SYTL1: variants seen among roughly 807,000 people sequenced by gnomAD.
SYTL1 encodes synaptotagmin-like protein 1.
SYTL1 carries 53 observed loss-of-function variants against 74.6 expected under a neutral mutation model. The observed-to-expected ratio is 0.71, with a 90% CI of 0.57 to 0.89. The LOEUF is 0.89. SYTL1 is among the 40% of genes least tolerant of loss of function. The probability of loss-of-function intolerance (pLI) is 0.00; values close to 1 mark genes in which losing one functional copy is unlikely to be tolerated. For missense variants in SYTL1, 728 were observed against 768.7 expected (o/e 0.95, Z 0.63); for synonymous variants, 329 against 324.9 (o/e 1.01, Z -0.14).
chr1:27,351,040 C>A lies in SYTL1; in HGVS notation c.1164+88C>A. 1 of 1,491,080 alleles carries A rather than the reference C, an allele frequency of 6.7e-7. No homozygotes were observed. Among genetic ancestry groups the A allele is most frequent in the East Asian group, 2.4e-5 (1 of 42,094 alleles). The allele number at this position is 1,491,080 out of a possible 1,614,324, so 92.4% of individuals were successfully genotyped here. A position where few individuals can be genotyped will look rare whatever the true frequency, so the allele number is the denominator to read the frequency against. Reference sequence around the variant, plus strand: ...GCTCTCCCGCAGCCCCCTCACACCCCGCCTTCGACAGAACCTCCCCTCAAC... The same window carrying A: ...GCTCTCCCGCAGCCCCCTCACACCCAGCCTTCGACAGAACCTCCCCTCAAC... On this transcript the variant is annotated intron_variant, in intron 11 of 14. Transcript: ENST00000616558. This position sits in a 1 kb window ranked among gnomAD's most constrained non-coding sequence, Gnocchi z 5.0.
At chr1:27,353,687 C>G in intron 14 of SYTL1, 26 bp from the exon 15 acceptor site, 1 of 1,605,412 alleles carries the variant, frequency 6.2e-7, no homozygotes, top group Non-Finnish European at 8.5e-7. Context: ...TGATCATGCC[C>G]TCAACCCCTG....
At position 27,345,435 on chromosome 1, in the gene SYTL1, T is replaced by C; in HGVS notation, c.101T>C (p.Leu34Pro). The C allele has an allele frequency of 6.4e-7, 1 of 1,562,942 alleles. No individual in the cohort carries two copies. Among genetic ancestry groups the C allele is most frequent in the Non-Finnish European group, 8.7e-7 (1 of 1,152,666 alleles). The part of the protein sequence containing the change: ...PKPETEGLLD[L>P]SFLTEEEQEA... ...CCTGAGACTGAAGGACTGTTGGACC[T>C]CAGCTTCCTGACAGAGGAGGAGCAG... Residue 34 changes from leucine to proline, a missense_variant, in exon 2 of 15, where the codon CTC becomes CCC. Coordinates refer to ENST00000616558, the MANE Select transcript of SYTL1 (RefSeq NM_001193308.2). The surrounding 1 kb of genome is among the most constrained non-coding windows in gnomAD (Gnocchi z 6.0).
intron 2 of SYTL1, among the ~76,000 whole-genome samples, chr1:27,346,926 T>C (rs953732233): frequency 6.6e-6 from 1 of 151,882 alleles, no homozygotes; most frequent in African/African-American, 2.4e-5. Flanking sequence ...GAGACCAGCC[T>C]GGGCAACATG....
chr1:27,349,648 G>T lies in SYTL1; in HGVS notation c.634-4G>T. ...GGGCGCCCCGTCACTTGCCCCCTCT[G>T]CAGACCAAGGCCGCGTCCCAGATCC... On this transcript the variant is annotated splice_region_variant and splice_polypyrimidine_tract_variant and intron_variant, in intron 7 of 14. Transcript: ENST00000616558. 6.2e-7 allele frequency: 1 copy of T among 1,604,040 alleles called. No homozygotes were observed. The highest frequency in any genetic ancestry group is 1.1e-5 in the South Asian group (1 of 89,462).
chr1:27,349,326 A>G, intron 6 of SYTL1, 72 bp from the exon 7 acceptor site: 1 of 1,449,966 alleles, frequency 6.9e-7, no homozygotes, highest in Non-Finnish European at 9.1e-7. Context: ...CTGGGGTTGT[A>G]AACCAGTTCC....
Position 27,347,770 on chromosome 1 carries a change from G to T in SYTL1, c.341-38G>T. 1.3e-6 allele frequency: 2 copies of T among 1,596,958 alleles called. No homozygotes were observed. The highest frequency in any genetic ancestry group is 2.3e-5 in the South Asian group (2 of 88,642). On this transcript the variant is annotated intron_variant, in intron 3 of 14. Coordinates refer to ENST00000616558, the MANE Select transcript of SYTL1 (RefSeq NM_001193308.2). This position sits in a 1 kb window ranked among gnomAD's most constrained non-coding sequence, Gnocchi z 4.9. The stretch of plus-strand genomic sequence containing the variant: ...CTCCCGAGTCACAGCCAGGCTTCCT[G>T]AGCATGGGGGCTCACAGAACTTCTC...
At position 27,351,129 on chromosome 1, in the gene SYTL1, G is replaced by T; in HGVS notation, c.1165-129G>T. On this transcript the variant is annotated intron_variant, in intron 11 of 14. Coordinates refer to ENST00000616558, the MANE Select transcript of SYTL1 (RefSeq NM_001193308.2). The surrounding 1 kb of genome is among the most constrained non-coding windows in gnomAD (Gnocchi z 5.0). ...ACGGCCCCTTCCCCGAGGGCGCTAG[G>T]ACCCCTAGGTTCTGCCCCTGCAGGC... 7.5e-7 allele frequency: 1 copy of T among 1,333,112 alleles called. No homozygotes were observed. The highest frequency in any genetic ancestry group is 1.0e-6 in the Non-Finnish European group (1 of 979,798). 82.6% of individuals were successfully genotyped at this position (1,333,112 alleles called of 1,614,324 possible).
In SYTL1 at chr1:27,345,883, C is replaced by T. The variant is rs143841954; in HGVS notation, c.191+358C>T. On this transcript the variant is annotated intron_variant, in intron 2 of 14. Transcript: ENST00000616558. The surrounding 1 kb of genome is among the most constrained non-coding windows in gnomAD (Gnocchi z 6.0). ...CAACCTCCACCCCTCCGGGTTCAAG[C>T]GATTCTCCTGCCACAGCCTCCCAAA... 2.6e-5 allele frequency among the ~76,000 whole-genome samples: 4 copies of T among 152,158 alleles called. No individual in the cohort carries two copies. The highest frequency in any genetic ancestry group is 1.9e-4 in the East Asian group (1 of 5,170).
rs577893831 is a variant in SYTL1, at chr1:27,345,349, C to G, written c.15C>G (p.Gly5=). The G allele has an allele frequency of 3.9e-6, 6 of 1,529,240 alleles. No individual in the cohort carries two copies. The highest frequency in any genetic ancestry group is 2.6e-6 in the Non-Finnish European group (3 of 1,137,390). The allele number at this position is 1,529,240 out of a possible 1,614,324, so 94.7% of individuals were successfully genotyped here. The change falls in exon 2 of 15, where the codon GGC becomes GGG. Residue 5 remains glycine (G), a synonymous_variant. Coordinates refer to ENST00000616558, the MANE Select transcript of SYTL1 (RefSeq NM_001193308.2). The surrounding 1 kb of genome is among the most constrained non-coding windows in gnomAD (Gnocchi z 6.0). MPQR[G]HPSQEGLWAL... ...AGCCCCAGCTGATGCCCCAGAGGGG[C>G]CACCCATCGCAAGAGGGGCTTTGGG...
Position 27,351,388 on chromosome 1 carries a change from C to G in SYTL1, c.1243+52C>G. Reference sequence around the variant, plus strand: ...TGGACACGCCCTGAAAAGCGGGAGACTCCAGTCCCCGGGTTTGGGGGCGGT... The same window carrying G: ...TGGACACGCCCTGAAAAGCGGGAGAGTCCAGTCCCCGGGTTTGGGGGCGGT... On this transcript the variant is annotated intron_variant, in intron 12 of 14. Transcript: ENST00000616558. This position sits in a 1 kb window ranked among gnomAD's most constrained non-coding sequence, Gnocchi z 5.0. 1 of 1,508,364 alleles carries G rather than the reference C, an allele frequency of 6.6e-7. No homozygotes were observed. The highest frequency in any genetic ancestry group is 8.9e-7 in the Non-Finnish European group (1 of 1,123,344). 93.4% of individuals were successfully genotyped at this position (1,508,364 alleles called of 1,614,324 possible).
rs2015264480 is a variant in SYTL1 at position 27,351,317 on chromosome 1, C to T, written c.1224C>T (p.Tyr408=). 2 of 1,556,446 alleles carry T rather than the reference C, an allele frequency of 1.3e-6. No homozygotes were observed. The highest frequency in any genetic ancestry group is 1.2e-5 in the South Asian group (1 of 84,346). ...GGTTACTCGCCCTGTCCCTCAAGTA[C>T]GTCCCCGCCGGCTCCGAGGGTGAGT... ...SRGLLALSLK[Y]VPAGSEGAGL... Residue 408 remains tyrosine (Y), a synonymous_variant, in exon 12 of 15, where the codon TAC becomes TAT. Coordinates refer to ENST00000616558, the MANE Select transcript of SYTL1 (RefSeq NM_001193308.2). This position sits in a 1 kb window ranked among gnomAD's most constrained non-coding sequence, Gnocchi z 5.0.
Position 27,351,567 on chromosome 1 carries a change from T to C in SYTL1, c.1343+12T>C. On this transcript the variant is annotated intron_variant, in intron 13 of 14. Transcript: ENST00000616558. This position sits in a 1 kb window ranked among gnomAD's most constrained non-coding sequence, Gnocchi z 5.0. ...ACTTACGTACAATGGTGAGGAGTGC[T>C]GGCCCTCCGGGCTTCCCATTCTTTT... The C allele has an allele frequency of 6.7e-7, 1 of 1,492,224 alleles. No homozygotes were observed. The highest frequency in any genetic ancestry group is 9.0e-7 in the Non-Finnish European group (1 of 1,108,906). The allele number at this position is 1,492,224 out of a possible 1,614,324, so 92.4% of individuals were successfully genotyped here. A position where few individuals can be genotyped will look rare whatever the true frequency, so the allele number is the denominator to read the frequency against.
rs549736171 is a variant in SYTL1 at position 27,343,635 on chromosome 1, T to G, written c.-39+1485T>G. On this transcript the variant is annotated intron_variant, in intron 1 of 14. Coordinates refer to ENST00000616558, the MANE Select transcript of SYTL1 (RefSeq NM_001193308.2). The surrounding 1 kb of genome is among the most constrained non-coding windows in gnomAD (Gnocchi z 5.2). The stretch of plus-strand genomic sequence containing the variant: ...GTGTGTGTGTATCTGTCTGTCTAGG[T>G]GGGTGGTTGTATGTGTGCATTCCCA... Among the ~76,000 whole-genome samples, 124 of 151,930 alleles carry G rather than the reference T, an allele frequency of 8.2e-4. No individual in the cohort carries two copies. Among genetic ancestry groups the G allele is most frequent in the Non-Finnish European group, 1.4e-3 (97 of 67,936 alleles).
In SYTL1 at chr1:27,351,325, C is replaced by T; in HGVS notation, c.1232C>T (p.Ala411Val). Residue 411 changes from alanine to valine, a missense_variant, in exon 12 of 15, where the codon GCC (alanine) becomes GTC (valine). Transcript: ENST00000616558. The surrounding 1 kb of genome is among the most constrained non-coding windows in gnomAD (Gnocchi z 5.0). ...LLALSLKYVP[A>V]GSEGAGLPPS... is the part of the protein sequence containing the mutation. ...GCCCTGTCCCTCAAGTACGTCCCCG[C>T]CGGCTCCGAGGGTGAGTGACAGCCG... 1 of 1,556,178 alleles carries T rather than the reference C, an allele frequency of 6.4e-7. No homozygotes were observed. Among genetic ancestry groups the T allele is most frequent in the Non-Finnish European group, 8.7e-7 (1 of 1,150,450 alleles).
At chr1:27,349,543 C>T (rs1571039884) in intron 7 of SYTL1, 45 bp downstream of exon 7, 2 of 1,463,950 alleles carry the variant, frequency 1.4e-6, no homozygotes, top group Non-Finnish European at 1.8e-6. Context: ...CCGGAGCGGA[C>T]TCCGGGCGGG....
chr1:27,351,737 G>C lies in SYTL1; in HGVS notation c.1343+182G>C, dbSNP rs1167593062. ...GGGAAGTTGAGGACACCTTTGAGGA[G>C]CTGCATTTCAGCGTGACTGGCGCCT... is the stretch of plus-strand genomic sequence containing the variant. On this transcript the variant is annotated intron_variant, in intron 13 of 14. Transcript: ENST00000616558. The surrounding 1 kb of genome is among the most constrained non-coding windows in gnomAD (Gnocchi z 5.0). 1.9e-6 allele frequency: 1 copy of C among 519,474 alleles called. No individual in the cohort carries two copies. Among genetic ancestry groups the C allele is most frequent in the Non-Finnish European group, 3.4e-6 (1 of 296,740 alleles). The allele number at this position is 519,474 out of a possible 1,614,324, so 32.2% of individuals were successfully genotyped here.
Position 27,347,953 on chromosome 1 carries a change from C to A in SYTL1, c.414-14C>A. ...GGGTCCCTCCCTCTGAGAGCGTCCT[C>A]TCCCTACTCCTAGGCTCACCATTGA... is the stretch of plus-strand genomic sequence containing the variant. On this transcript the variant is annotated splice_polypyrimidine_tract_variant and intron_variant, in intron 4 of 14. Transcript: ENST00000616558. The surrounding 1 kb of genome is among the most constrained non-coding windows in gnomAD (Gnocchi z 4.9). The A allele has an allele frequency of 6.2e-7, 1 of 1,614,168 alleles. No individual in the cohort carries two copies. Among genetic ancestry groups the A allele is most frequent in the Non-Finnish European group, 8.5e-7 (1 of 1,179,998 alleles).
At position 27,350,075 on chromosome 1, in the gene SYTL1, G is replaced by A; in HGVS notation, c.851G>A (p.Arg284His). Residue 284 changes from arginine to histidine, a missense_variant, in exon 9 of 15, where the codon CGC becomes CAC. Physicochemically the swap from Arg to His is conservative, Grantham distance 29. Coordinates refer to ENST00000616558, the MANE Select transcript of SYTL1 (RefSeq NM_001193308.2). This position sits in a 1 kb window ranked among gnomAD's most constrained non-coding sequence, Gnocchi z 6.3. ...LHYEPGAAEL[R>H]VHVIQCQGLA... ...TACGAGCCGGGCGCCGCCGAGCTGC[G>A]CGTGCACGTGATCCAGTGCCAGGGC... 1 of 1,494,910 alleles carries A rather than the reference G, an allele frequency of 6.7e-7. No homozygotes were observed. Among genetic ancestry groups the A allele is most frequent in the Non-Finnish European group, 8.9e-7 (1 of 1,128,788 alleles). The allele number at this position is 1,494,910 out of a possible 1,614,324, so 92.6% of individuals were successfully genotyped here. A position where few individuals can be genotyped will look rare whatever the true frequency, so the allele number is the denominator to read the frequency against.
Position 27,351,144 on chromosome 1 carries a change from C to A in SYTL1, c.1165-114C>A. 7.3e-7 allele frequency: 1 copy of A among 1,365,626 alleles called. No homozygotes were observed. Among genetic ancestry groups the A allele is most frequent in the East Asian group, 2.5e-5 (1 of 39,912 alleles). 84.6% of individuals were successfully genotyped at this position (1,365,626 alleles called of 1,614,324 possible). ...AGGGCGCTAGGACCCCTAGGTTCTG[C>A]CCCTGCAGGCCCCGCCGTCTCTTCT... On this transcript the variant is annotated intron_variant, in intron 11 of 14. Coordinates refer to ENST00000616558, the MANE Select transcript of SYTL1 (RefSeq NM_001193308.2). The surrounding 1 kb of genome is among the most constrained non-coding windows in gnomAD (Gnocchi z 5.0).
Sources: allele counts gnomAD v4.1 joint callset (sites outside exome capture counted in the v4.1 genomes callset), GRCh38; gene constraint gnomAD v4.1.1; non-coding constraint Gnocchi (gnomAD v3.1); transcripts MANE v1.5; gene names NCBI Gene and HGNC (gene_info 2026-07-23, HGNC 2026-07-21).